Variants in GGNBP2 observed in about 807,000 individuals in gnomAD.
The protein encoded by GGNBP2 is gametogenetin binding protein 2, also known as gametogenetin-binding protein 2.
GGNBP2 carries 10 observed loss-of-function variants against 85.9 expected under a neutral mutation model. The ratio of observed to expected loss-of-function variants is 0.12; its 90% CI spans 0.07 to 0.20. GGNBP2 has a LOEUF of 0.20. GGNBP2 is among the 10% of genes least tolerant of loss of function. The pLI is 1.00. For missense variants in GGNBP2, 595 were observed against 857.8 expected, an observed-to-expected ratio of 0.69 and a Z score of 3.83; for synonymous variants, 287 against 285.7, an observed-to-expected ratio of 1.00 and a Z score of -0.05.
At chr17:36,545,412 C>T in intron 1 of GGNBP2, 1 of 172,564 alleles carries the variant, frequency 5.8e-6, no homozygotes, top group Non-Finnish European at 9.1e-6. Flanking sequence ...GGCGGGCGGG[C>T]GGGCGGGCGG....
chr17:36,570,470 C>T (rs533962749), intron 6 of GGNBP2, among the ~76,000 whole-genome samples: 1 of 151,644 alleles, frequency 6.6e-6, no homozygotes, highest in Non-Finnish European at 1.5e-5. Flanking sequence ...GAGGCCAAGG[C>T]GGGTGGATCA....
intron 8 of GGNBP2, among the ~76,000 whole-genome samples, chr17:36,580,250 C>A (rs1419937838): frequency 6.6e-6 from 1 of 150,600 alleles, no homozygotes; most frequent in Non-Finnish European, 1.5e-5. Context: ...CTCTGTTACC[C>A]AGGCTGGAGT....
chr17:36,545,399 G>A (rs926819622), intron 1 of GGNBP2: 1 of 313,864 alleles, frequency 3.2e-6, no homozygotes, highest in Non-Finnish European at 5.8e-6. Context: ...CTGACTGGAG[G>A]CCGGCGGGCG....
intron 6 of GGNBP2, among the ~76,000 whole-genome samples, chr17:36,569,140 G>A (rs1452269748): frequency 3.3e-5 from 5 of 152,066 alleles, no homozygotes; most frequent in African/African-American, 4.8e-5. Flanking sequence ...GGCAGGGTGC[G>A]GTGGCTCACG....
intron 4 of GGNBP2, among the ~76,000 whole-genome samples, chr17:36,560,320 T>C (rs1180019087): frequency 1.3e-5 from 2 of 152,188 alleles, no homozygotes; most frequent in Non-Finnish European, 2.9e-5. Flanking sequence ...GGATGGAAGG[T>C]GCGGATAGTA....
chr17:36,578,442 T>G, intron 7 of GGNBP2: 1 of 406,386 alleles, frequency 2.5e-6, no homozygotes, highest in Non-Finnish European at 4.4e-6. Flanking sequence ...TGGCTTTCAT[T>G]GTTACAGACT....
At chr17:36,551,404 A>G (rs1323291771) in intron 2 of GGNBP2, among the ~76,000 whole-genome samples, 2 of 151,890 alleles carry the variant, frequency 1.3e-5, no homozygotes, top group Non-Finnish European at 2.9e-5. Context: ...GGGTTTCTCC[A>G]TGTTGGTCAG....
At chr17:36,574,708 C>A in intron 6 of GGNBP2, 1 of 633,962 alleles carries the variant, frequency 1.6e-6, no homozygotes, top group East Asian at 2.7e-5. Flanking sequence ...TAAGCAGCTT[C>A]TTGGGTACAG....
At position 36,585,446 on chromosome 17, in the gene GGNBP2, G is replaced by A. The variant is rs747476692; in HGVS notation, c.1362G>A (p.Lys454=). The change falls in exon 10 of 14, where the codon AAG becomes AAA. Residue 454 remains lysine, a synonymous_variant. Coordinates refer to ENST00000613102, the MANE Select transcript of GGNBP2 (RefSeq NM_024835.5). ...SGNLLGSPKI[K]KGLSPHCNGS... ...ATCTTTTGGGGTCCCCTAAAATAAA[G>A]AAAGGTAAGTAAATAATTTCTTTTT... 6.3e-7 allele frequency: 1 copy of A among 1,587,570 alleles called. No individual in the cohort carries two copies. Among genetic ancestry groups the A allele is most frequent in the Non-Finnish European group, 8.6e-7 (1 of 1,165,714 alleles).
intron 4 of GGNBP2, 62 bp downstream of exon 4, chr17:36,557,398 G>A: frequency 7.3e-7 from 1 of 1,369,414 alleles, no homozygotes; most frequent in Non-Finnish European, 1.0e-6. Flanking sequence ...TGGTGACAGT[G>A]GCAGCTTATT....
At chr17:36,545,958 A>G in intron 2 of GGNBP2, 141 bp downstream of exon 2, 1 of 616,962 alleles carries the variant, frequency 1.6e-6, no homozygotes, top group Non-Finnish European at 2.9e-6. Context: ...AGCAGGCCCC[A>G]CAAACTCGCC....
intron 5 of GGNBP2, among the ~76,000 whole-genome samples, chr17:36,564,372 T>C (rs1179054367): frequency 2.6e-5 from 4 of 152,242 alleles, no homozygotes; most frequent in African/African-American, 7.2e-5. Context: ...CTCCATTTTC[T>C]TTGTTTTCAA....
chr17:36,549,410 TGGCCA>T (rs1231553192), intron 2 of GGNBP2, among the ~76,000 whole-genome samples: 1 of 152,206 alleles, frequency 6.6e-6, no homozygotes. Flanking sequence ...TTCCCTATGT[TGGCCA>T]GGCTGGTCTT....
intron 2 of GGNBP2, chr17:36,546,983 C>T (rs971797993): frequency 6.6e-6 from 1 of 152,080 alleles, no homozygotes; most frequent in Non-Finnish European, 1.5e-5. Context: ...ATTAGAAGAG[C>T]TATTGAATGA....
At position 36,556,751 on chromosome 17, in the gene GGNBP2, C is replaced by CTTTTTTTTTT. The variant is rs10544073; in HGVS notation, c.175-312_175-303dup. ...AAAAAAAAGGTACAGCTGTATTGTG[C>CTTTTTTTTTT]TTTTTTTTTTTTTTTTTTTTTTTTT... On this transcript the variant is annotated intron_variant, in intron 3 of 13. Coordinates refer to ENST00000613102, the MANE Select transcript of GGNBP2 (RefSeq NM_024835.5). Among the ~76,000 whole-genome samples, 9 of 52,852 alleles carry CTTTTTTTTTT rather than the reference C, an allele frequency of 1.7e-4. 1 individual carries two copies. The highest frequency in any genetic ancestry group is 8.5e-4 in the East Asian group (1 of 1,170). 34.7% of individuals were successfully genotyped at this position (52,852 alleles called of 152,430 possible).
At chr17:36,581,964 A>C (rs527401142) in intron 9 of GGNBP2, 1 of 152,412 alleles carries the variant, frequency 6.6e-6, no homozygotes, top group East Asian at 1.9e-4. Flanking sequence ...TGCAGCGTTC[A>C]TCTCCCAGGC....
intron 2 of GGNBP2, among the ~76,000 whole-genome samples, chr17:36,553,815 A>C: frequency 6.6e-6 from 1 of 152,184 alleles, no homozygotes; most frequent in East Asian, 1.9e-4. Context: ...TCTTATAGTA[A>C]AAATGGCTTG....
rs534551693 is a variant in GGNBP2, at chr17:36,574,956, C to T, written c.642-3027C>T. The T allele has an allele frequency of 2.2e-3, 3,105 of 1,406,496 alleles. 13 individuals are homozygous for T. Among genetic ancestry groups the T allele is most frequent in the Middle Eastern group, 2.6e-3 (13 of 5,018 alleles). 87.1% of individuals were successfully genotyped at this position (1,406,496 alleles called of 1,614,324 possible). ...ATGTGGCCATTGTAGTCCACGATGG[C>T]AACAAACATCTTGAACCTGGTGCGC... On this transcript the variant is annotated intron_variant, in intron 6 of 13. Coordinates refer to ENST00000613102, the MANE Select transcript of GGNBP2 (RefSeq NM_024835.5).
intron 6 of GGNBP2, among the ~76,000 whole-genome samples, chr17:36,568,294 G>A (rs1211464226): frequency 1.3e-5 from 2 of 151,002 alleles, no homozygotes; most frequent in Non-Finnish European, 3.0e-5. Context: ...CCTATTTTGT[G>A]ATTTTTTTTT....
Sources: allele counts gnomAD v4.1 joint callset (sites outside exome capture counted in the v4.1 genomes callset), GRCh38; gene constraint gnomAD v4.1.1; transcripts MANE v1.5; gene names NCBI Gene and HGNC (gene_info 2026-07-23, HGNC 2026-07-21).